Variants in PKP2 observed in about 807,000 individuals in gnomAD.
PKP2 encodes plakophilin 2.
PKP2 carries 73 observed loss-of-function variants against 83.4 expected under a neutral mutation model. The observed-to-expected ratio is 0.88, with a 90% CI of 0.72 to 1.06. The LOEUF (loss-of-function observed/expected upper bound fraction) is 1.06, where lower values mean the gene tolerates loss of function less well. Among genes scored for constraint, PKP2 ranks in the 50% least tolerant of loss-of-function variants. PKP2 has a pLI of 0.00. For missense variants in PKP2, 966 were observed against 1,065.4 expected (o/e 0.91, Z 1.30); for synonymous variants, 409 against 430.4 (o/e 0.95, Z 0.62).
At chr12:32,848,847 A>C (rs905717100) in intron 5 of PKP2, among the ~76,000 whole-genome samples, 3 of 152,206 alleles carry the variant, frequency 2.0e-5, no homozygotes. Context: ...GCGAGTAGAG[A>C]TAACATAATG....
intron 6 of PKP2, 115 bp from the exon 7 acceptor site, chr12:32,824,277 A>T: frequency 1.3e-6 from 1 of 768,260 alleles, no homozygotes; most frequent in African/African-American, 1.7e-5. Context: ...GCAAATTTGT[A>T]AAAGTGTGGC....
chr12:32,874,593 A>AT (rs1159366637), intron 3 of PKP2, among the ~76,000 whole-genome samples: 2 of 152,208 alleles, frequency 1.3e-5, no homozygotes, highest in Non-Finnish European at 2.9e-5. Flanking sequence ...ATGATTAAAT[A>AT]TTATAATACA....
At chr12:32,873,189 T>C (rs1956908141) in intron 3 of PKP2, among the ~76,000 whole-genome samples, 1 of 152,128 alleles carries the variant, frequency 6.6e-6, no homozygotes, top group Non-Finnish European at 1.5e-5. Context: ...AGCCTGGACC[T>C]CCCAGGCTCA....
chr12:32,862,076 T>C (rs1321662685), intron 4 of PKP2, among the ~76,000 whole-genome samples: 3 of 152,042 alleles, frequency 2.0e-5, no homozygotes, highest in African/African-American at 7.2e-5. Flanking sequence ...TTTGTATTTT[T>C]AGTAGAGACA....
At chr12:32,828,341 T>C (rs911245064) in intron 6 of PKP2, among the ~76,000 whole-genome samples, 4 of 152,204 alleles carry the variant, frequency 2.6e-5, no homozygotes, top group South Asian at 2.1e-4. Context: ...ACCCTGGACC[T>C]TGATAGAATT....
intron 1 of PKP2, 118 bp downstream of exon 1, chr12:32,896,391 A>T: frequency 1.4e-6 from 1 of 719,000 alleles, no homozygotes; most frequent in Non-Finnish European, 2.1e-6. Context: ...GACGGCGAGC[A>T]ACAGGTGGGC....
intron 4 of PKP2, among the ~76,000 whole-genome samples, chr12:32,866,508 G>A (rs1956849969): frequency 7.8e-6 from 1 of 127,922 alleles, no homozygotes; most frequent in South Asian, 2.5e-4. Context: ...CCAAAATTGT[G>A]CCACTGCACT....
intron 9 of PKP2, among the ~76,000 whole-genome samples, chr12:32,806,465 T>G (rs112556385): frequency 0.2 from 29,696 of 152,090 alleles, 3,571 homozygotes; most frequent in East Asian, 0.56. Flanking sequence ...TCCAGGAGTT[T>G]ATCCATGTTT....
intron 9 of PKP2, among the ~76,000 whole-genome samples, chr12:32,813,847 T>C (rs1956298267): frequency 6.6e-6 from 1 of 152,184 alleles, no homozygotes; most frequent in Non-Finnish European, 1.5e-5. Context: ...ATACTCTGTT[T>C]ATTAGTTATT....
At chr12:32,848,209 G>A (rs1436792157) in intron 5 of PKP2, among the ~76,000 whole-genome samples, 1 of 152,182 alleles carries the variant, frequency 6.6e-6, no homozygotes, top group African/African-American at 2.4e-5. Context: ...GATCGCCTGA[G>A]GTCAGGAGCT....
In PKP2 at chr12:32,856,740, C is replaced by T. The variant is rs2137881927; in HGVS notation, c.1171-5767G>A. On this transcript the variant is annotated intron_variant, in intron 4 of 12. Transcript: ENST00000340811. ...CACGTTGTGCACATGTACCCTAGAA[C>T]TTAAAGTATAATTAAAAAAAAAAAA... Among the ~76,000 whole-genome samples the T allele has an allele frequency of 1.3e-5, 2 of 150,754 alleles. 1 individual carries two copies. The highest frequency in any genetic ancestry group is 4.2e-4 in the South Asian group (2 of 4,772).
intron 9 of PKP2, among the ~76,000 whole-genome samples, chr12:32,816,232 T>G (rs1210077553): frequency 6.6e-6 from 1 of 152,142 alleles, no homozygotes; most frequent in Non-Finnish European, 1.5e-5. Flanking sequence ...CCTTTCCCCC[T>G]CCTTCTCTCC....
In PKP2 at chr12:32,896,461, C is replaced by T. The variant is rs565130831; in HGVS notation, c.223+48G>A. 54 of 1,360,160 alleles carry T rather than the reference C, an allele frequency of 4.0e-5. No homozygotes were observed. The African/African-American group carries it at 6.3e-4, about 16-fold the overall frequency. 84.3% of individuals were successfully genotyped at this position (1,360,160 alleles called of 1,614,324 possible). A position where few individuals can be genotyped will look rare whatever the true frequency, so the allele number is the denominator to read the frequency against. On this transcript the variant is annotated intron_variant, in intron 1 of 12. Transcript: ENST00000340811. The stretch of plus-strand genomic sequence containing the variant: ...TGAGGGCGGGATAGGAGGAGGTGAC[C>T]GGGTGTGGGGCAGGGGGCGGCGCCG...
chr12:32,809,315 A>C (rs1956255549), intron 9 of PKP2, among the ~76,000 whole-genome samples: 1 of 152,202 alleles, frequency 6.6e-6, no homozygotes, highest in Non-Finnish European at 1.5e-5. Context: ...CTGGCACAGC[A>C]GCTGTGCTGT....
intron 10 of PKP2, among the ~76,000 whole-genome samples, chr12:32,796,651 G>C (rs541452077): frequency 6.6e-6 from 1 of 151,824 alleles, no homozygotes; most frequent in Non-Finnish European, 1.5e-5. Context: ...CGCCAGCCTC[G>C]GCCTCCCAAA....
intron 4 of PKP2, among the ~76,000 whole-genome samples, chr12:32,868,035 G>C (rs1956864249): frequency 6.6e-6 from 1 of 152,120 alleles, no homozygotes; most frequent in Admixed American, 6.5e-5. Context: ...ATCACTGAAT[G>C]AAAAAAAGTT....
intron 9 of PKP2, among the ~76,000 whole-genome samples, chr12:32,808,634 T>C (rs1196836566): frequency 2.0e-5 from 3 of 152,230 alleles, no homozygotes; most frequent in African/African-American, 7.2e-5. Context: ...CGTTTTTGCA[T>C]TGATTCTTTC....
intron 9 of PKP2, among the ~76,000 whole-genome samples, chr12:32,810,944 G>T (rs1165971223): frequency 2.8e-5 from 4 of 145,400 alleles, no homozygotes; most frequent in East Asian, 2.1e-4. Flanking sequence ...GCCTCCCAAA[G>T]TGCTGGGATT....
intron 1 of PKP2, among the ~76,000 whole-genome samples, chr12:32,885,661 C>T (rs75591646): frequency 2.3e-4 from 25 of 109,950 alleles, no homozygotes; most frequent in African/African-American, 1.1e-3. Flanking sequence ...AAGATTCCGT[C>T]CCCCCCCCAA....
Sources: allele counts gnomAD v4.1 joint callset (sites outside exome capture counted in the v4.1 genomes callset), GRCh38; gene constraint gnomAD v4.1.1; transcripts MANE v1.5; gene names NCBI Gene and HGNC (gene_info 2026-07-23, HGNC 2026-07-21).